The following SCARA3 variants were observed in gnomAD, a reference collection of about 807,000 sequenced individuals.
SCARA3 encodes the protein scavenger receptor class A member 3.
Under a neutral mutation model 47.0 loss-of-function variants are expected in SCARA3, and 39 were observed. That is an observed-to-expected ratio of 0.83 (90% CI 0.64 to 1.08). The LOEUF (loss-of-function observed/expected upper bound fraction) is 1.08. Among genes scored for constraint, SCARA3 ranks in the 50% least tolerant of loss-of-function variants. The probability of loss-of-function intolerance (pLI) is 0.00; values close to 1 mark genes in which losing one functional copy is unlikely to be tolerated. For synonymous variants in SCARA3, 356 were observed against 334.1 expected (o/e 1.07, Z -0.71); for missense variants, 724 against 792.3 (o/e 0.91, Z 1.04).
downstream of SCARA3, chr8:27,676,491 G>A: frequency 6.4e-7 from 1 of 1,553,424 alleles, no homozygotes; most frequent in Non-Finnish European, 8.8e-7. Context: ...CTCCAACATA[G>A]GTGTCCAACG....
intron 1 of SCARA3, among the ~76,000 whole-genome samples, chr8:27,649,088 G>C (rs1323884316): frequency 6.6e-6 from 1 of 152,208 alleles, no homozygotes; most frequent in Non-Finnish European, 1.5e-5. Context: ...CTAGGTTTTA[G>C]TTAGGGACCA....
intron 5 of SCARA3, among the ~76,000 whole-genome samples, chr8:27,660,820 T>C (rs1318221671): frequency 1.4e-5 from 2 of 146,218 alleles, no homozygotes; most frequent in Admixed American, 1.4e-4. Context: ...AAAATAGATA[T>C]AGATAGAAGA....
the SCARA3 span, among the ~76,000 whole-genome samples, chr8:27,693,366 C>T: frequency 1.3e-5 from 2 of 152,156 alleles, no homozygotes; most frequent in African/African-American, 4.8e-5. Flanking sequence ...ATATTTGGCT[C>T]AGAATAAATA....
In SCARA3 at chr8:27,636,642, C is replaced by T. The variant is rs575939551; in HGVS notation, c.7+2435C>T. Among the ~76,000 whole-genome samples the T allele has an allele frequency of 7.4e-4, 113 of 152,288 alleles. 3 individuals carry two copies. In the South Asian group the frequency reaches 0.017, roughly 23 times the overall value. ...CCTCTCTCCTCCTTTCCCTTGGATCCCACAGCCTCTTCATGTGCCGAGCGG... is the reference window on the plus strand; with the variant it reads ...CCTCTCTCCTCCTTTCCCTTGGATCTCACAGCCTCTTCATGTGCCGAGCGG... On this transcript the variant is annotated intron_variant, in intron 1 of 5. Transcript: ENST00000301904.
chr8:27,694,546 A>G, the SCARA3 span, among the ~76,000 whole-genome samples: 6 of 152,212 alleles, frequency 3.9e-5, no homozygotes, highest in South Asian at 1.0e-3. Context: ...ATCCTAGGAA[A>G]GAAAGTAAGG....
the SCARA3 span, among the ~76,000 whole-genome samples, chr8:27,728,447 A>G: frequency 6.6e-6 from 1 of 152,212 alleles, no homozygotes; most frequent in East Asian, 1.9e-4. Context: ...AGTGCCCGCC[A>G]TGAAAGACTC....
rs36034408 is a variant in SCARA3, at chr8:27,670,893, AC to A, written c.1370-5del. 8.6e-6 allele frequency: 13 copies of A among 1,516,874 alleles called. No homozygotes were observed. Among genetic ancestry groups the A allele is most frequent in the Non-Finnish European group, 1.1e-5 (13 of 1,134,974 alleles). 94.0% of individuals were successfully genotyped at this position (1,516,874 alleles called of 1,614,324 possible). ...ACTGACCTCTCCCATCTTCTCTCCA[AC>A]CTCAGGTGCCCCCGGCCCTCCAGGA... On this transcript the variant is annotated splice_region_variant and splice_polypyrimidine_tract_variant and intron_variant, in intron 5 of 5. Transcript: ENST00000301904.
In SCARA3 at chr8:27,651,749, C is replaced by T. The variant is rs532069590; in HGVS notation, c.226+122C>T. On this transcript the variant is annotated intron_variant, in intron 3 of 5. Coordinates refer to ENST00000301904, the MANE Select transcript of SCARA3 (RefSeq NM_016240.3). The stretch of plus-strand genomic sequence containing the variant: ...GTATCCCAGGGCCCAGAGCCAGCAT[C>T]TTCCTGGCTAGGGGATCTCTATGCC... The T allele has an allele frequency of 2.0e-3, 2,700 of 1,320,476 alleles. 8 individuals carry two copies. The highest frequency in any genetic ancestry group is 2.4e-3 in the Non-Finnish European group (2,279 of 962,676). 81.8% of individuals were successfully genotyped at this position (1,320,476 alleles called of 1,614,324 possible).
At position 27,672,348 on chromosome 8, in the gene SCARA3, G is replaced by A; in HGVS notation, c.*997G>A. The A allele has an allele frequency of 2.0e-6, 2 of 985,508 alleles. No homozygotes were observed. The highest frequency in any genetic ancestry group is 2.4e-6 in the Non-Finnish European group (2 of 829,974). 61.0% of individuals were successfully genotyped at this position (985,508 alleles called of 1,614,324 possible). A position where few individuals can be genotyped will look rare whatever the true frequency, so the allele number is the denominator to read the frequency against. ...CTGCAGGCCCTGGAACATTGGGCCT[G>A]AGTGGAGATGGGAGACAGAGGCAGG... On this transcript the variant is annotated 3_prime_UTR_variant, in exon 6 of 6. Coordinates refer to ENST00000301904, the MANE Select transcript of SCARA3 (RefSeq NM_016240.3).
intron 5 of SCARA3, among the ~76,000 whole-genome samples, chr8:27,659,866 AAAAAAAAAAAAGAG>A (rs892862837): frequency 1.6e-5 from 2 of 127,880 alleles, no homozygotes; most frequent in Admixed American, 8.4e-5. Context: ...AAAAAAAAAA[AAAAAAAAAAAAGAG>A]AGAGAGAGAG....
At chr8:27,694,160 T>G in the SCARA3 span, among the ~76,000 whole-genome samples, 1 of 152,212 alleles carries the variant, frequency 6.6e-6, no homozygotes, top group African/African-American at 2.4e-5. Flanking sequence ...ACATGTTGCC[T>G]TTGCCTCATT....
At chr8:27,646,129 G>A (rs1038205321) in intron 1 of SCARA3, among the ~76,000 whole-genome samples, 1 of 152,176 alleles carries the variant, frequency 6.6e-6, no homozygotes, top group African/African-American at 2.4e-5. Context: ...CAAGGGATTA[G>A]AGAGAGAAGA....
chr8:27,693,517 T>C, the SCARA3 span, among the ~76,000 whole-genome samples: 1 of 152,126 alleles, frequency 6.6e-6, no homozygotes, highest in Non-Finnish European at 1.5e-5. Flanking sequence ...GCTGGAGAGA[T>C]GTTGGTTTTG....
rs117670575 is a variant in SCARA3 at position 27,657,927 on chromosome 8, G to A, written c.326-569G>A. The stretch of plus-strand genomic sequence containing the variant: ...TCTTCTGTTAATTTGCTTAGGTCAT[G>A]CCACAATTCTTGATGTTCTTTATCC... On this transcript the variant is annotated intron_variant, in intron 4 of 5. Coordinates refer to ENST00000301904, the MANE Select transcript of SCARA3 (RefSeq NM_016240.3). 2.0e-5 allele frequency among the ~76,000 whole-genome samples: 3 copies of A among 152,230 alleles called. No individual in the cohort carries two copies. The East Asian group carries it at 5.8e-4, about 29-fold the overall frequency.
Position 27,658,700 on chromosome 8 carries a change from C to G in SCARA3, c.530C>G (p.Ser177Cys). The G allele has an allele frequency of 6.2e-7, 1 of 1,614,058 alleles. No homozygotes were observed. Among genetic ancestry groups the G allele is most frequent in the Non-Finnish European group, 8.5e-7 (1 of 1,179,958 alleles). Residue 177 changes from serine (S) to cysteine (C), a missense_variant, in exon 5 of 6, where the codon TCC (serine) becomes TGC (cysteine). Coordinates refer to ENST00000301904, the MANE Select transcript of SCARA3 (RefSeq NM_016240.3). ...ISQEMGSCSF[S>C]IHQVNQSLGL... Reference sequence around the variant, plus strand: ...CAGGAGATGGGCAGTTGCTCCTTCTCCATCCACCAGGTTAACCAGTCTCTG... The same window carrying G: ...CAGGAGATGGGCAGTTGCTCCTTCTGCATCCACCAGGTTAACCAGTCTCTG...
downstream of SCARA3, among the ~76,000 whole-genome samples, chr8:27,679,244 A>G (rs1168750108): frequency 6.6e-6 from 1 of 151,870 alleles, no homozygotes; most frequent in Non-Finnish European, 1.5e-5. Flanking sequence ...ACTAAAATAC[A>G]AAAAATTAGC....
At chr8:27,677,512 T>G (rs2128925366), downstream of SCARA3, among the ~76,000 whole-genome samples, 1 of 152,298 alleles carries the variant, frequency 6.6e-6, no homozygotes, top group Admixed American at 6.5e-5. Context: ...AACAACACCA[T>G]GCATTCAGTT....
At chr8:27,655,065 T>A (rs1388007169) in intron 3 of SCARA3, among the ~76,000 whole-genome samples, 1 of 152,234 alleles carries the variant, frequency 6.6e-6, no homozygotes, top group Admixed American at 6.5e-5. Flanking sequence ...AACATGTTGC[T>A]GTTACTAATT....
intron 1 of SCARA3, among the ~76,000 whole-genome samples, chr8:27,645,029 A>T (rs939791350): frequency 6.6e-6 from 1 of 152,168 alleles, no homozygotes; most frequent in Non-Finnish European, 1.5e-5. Flanking sequence ...TTTTGCTCCT[A>T]CCCAGTCCTC....
Sources: gnomAD v4.1 joint callset for allele counts (sites outside exome capture counted in the v4.1 genomes callset) on GRCh38, gnomAD v4.1.1 for gene constraint, MANE v1.5 for transcripts, NCBI Gene and HGNC (gene_info 2026-07-23, HGNC 2026-07-21) for gene names.